UBE2W: variants seen among roughly 807,000 people sequenced by gnomAD.
The protein encoded by UBE2W is ubiquitin conjugating enzyme E2 W, also known as ubiquitin-conjugating enzyme E2 W.
UBE2W carries 18 observed loss-of-function variants against 27.2 expected under a neutral mutation model. The ratio of observed to expected loss-of-function variants is 0.66; its 90% CI spans 0.46 to 0.98. The LOEUF (loss-of-function observed/expected upper bound fraction) is 0.98. UBE2W is among the 50% of genes least tolerant of loss of function. The probability of loss-of-function intolerance (pLI) is 0.00; values close to 1 mark genes in which losing one functional copy is unlikely to be tolerated. For synonymous variants in UBE2W, 53 were observed against 57.2 expected (o/e 0.93, Z 0.33); for missense variants, 90 against 180.2 (o/e 0.50, Z 2.87).
At chr8:73,863,823 A>G (rs935842800) in intron 1 of UBE2W, among the ~76,000 whole-genome samples, 2 of 152,058 alleles carry the variant, frequency 1.3e-5, no homozygotes, top group African/African-American at 4.8e-5. Flanking sequence ...CAATTAAATC[A>G]TAACGTGGGG....
chr8:73,819,761 A>G (rs568417356), intron 3 of UBE2W, among the ~76,000 whole-genome samples: 7 of 152,208 alleles, frequency 4.6e-5, no homozygotes, highest in African/African-American at 1.7e-4. Flanking sequence ...CTTTTTCATT[A>G]TAAGGCAGGA....
intron 1 of UBE2W, among the ~76,000 whole-genome samples, chr8:73,848,319 CAG>C (rs1810906510): frequency 6.6e-6 from 1 of 152,082 alleles, no homozygotes; most frequent in Admixed American, 6.6e-5. Context: ...TGAAGTCAGA[CAG>C]AAAAATAAAT....
intron 3 of UBE2W, among the ~76,000 whole-genome samples, chr8:73,812,080 T>G (rs1048653683): frequency 2.9e-4 from 44 of 152,164 alleles, no homozygotes; most frequent in Admixed American, 2.5e-3. Context: ...ATATATTAAC[T>G]AACATATGGG....
At chr8:73,872,595 T>A (rs1424671557) in intron 1 of UBE2W, among the ~76,000 whole-genome samples, 1 of 152,226 alleles carries the variant, frequency 6.6e-6, no homozygotes, top group African/African-American at 2.4e-5. Context: ...AATTACACAG[T>A]AACTGAGTAG....
In UBE2W at chr8:73,786,345, C is replaced by CT; in HGVS notation, c.*7756dup. ...ATATATGTTTCAAAATAGCTAGCAC[C>CT]TAAGTTTCTTTGAGAAAGCTAGGAT... On this transcript the variant is annotated 3_prime_UTR_variant, in exon 6 of 6. Transcript: ENST00000602593. 1 of 985,416 alleles carries CT rather than the reference C, an allele frequency of 1.0e-6. No individual in the cohort carries two copies. Among genetic ancestry groups the CT allele is most frequent in the Non-Finnish European group, 1.2e-6 (1 of 829,928 alleles). The allele number at this position is 985,416 out of a possible 1,614,324, so 61.0% of individuals were successfully genotyped here. A position where few individuals can be genotyped will look rare whatever the true frequency, so the allele number is the denominator to read the frequency against.
chr8:73,863,878 C>A (rs1586541960), intron 1 of UBE2W, among the ~76,000 whole-genome samples: 1 of 147,778 alleles, frequency 6.8e-6, no homozygotes, highest in East Asian at 2.0e-4. Context: ...GATGTGATAT[C>A]AAAGTTGGAA....
intron 1 of UBE2W, among the ~76,000 whole-genome samples, chr8:73,863,457 T>C (rs1243324304): frequency 1.1e-4 from 17 of 148,900 alleles, no homozygotes; most frequent in African/African-American, 2.5e-4. Context: ...AGGGATAGCA[T>C]TGGGAGATAT....
intron 4 of UBE2W, among the ~76,000 whole-genome samples, chr8:73,806,565 G>A (rs1396473427): frequency 6.8e-6 from 1 of 147,982 alleles, no homozygotes; most frequent in Non-Finnish European, 1.5e-5. Context: ...AAAAAAATTA[G>A]CCGGGCGTGT....
chr8:73,838,274 T>C (rs1048907983), intron 1 of UBE2W, among the ~76,000 whole-genome samples: 2 of 152,178 alleles, frequency 1.3e-5, no homozygotes, highest in Admixed American at 6.5e-5. Flanking sequence ...ACTAATTTAT[T>C]CCTTTTTTTC....
At position 73,856,280 on chromosome 8, in the gene UBE2W, G is replaced by A. The variant is rs115368805; in HGVS notation, c.15+22528C>T. ...TTAACATTGTAGGAAACGCTACTCA[G>A]TGTAAACAACTCCCCCCTCCCCACT... On this transcript the variant is annotated intron_variant, in intron 1 of 5. Coordinates refer to ENST00000602593, the MANE Select transcript of UBE2W (RefSeq NM_018299.6). Among the ~76,000 whole-genome samples, 521 of 150,858 alleles carry A rather than the reference G, an allele frequency of 3.5e-3. 5 individuals carry two copies. The highest frequency in any genetic ancestry group is 0.012 in the African/African-American group (495 of 41,116).
intron 2 of UBE2W, among the ~76,000 whole-genome samples, chr8:73,829,859 G>A (rs1810001669): frequency 2.6e-5 from 4 of 151,894 alleles, no homozygotes; most frequent in Non-Finnish European, 5.9e-5. Flanking sequence ...TTTAAGTGGA[G>A]GATAAATTAT....
Position 73,859,007 on chromosome 8 carries a change from T to C in UBE2W, c.15+19801A>G, listed in dbSNP as rs1464511433. ...GTGTGTGTGTGTGTGTGTGTGTGTG[T>C]GTGTGTGTGTGGTGGTTTTTTTGCT... On this transcript the variant is annotated intron_variant, in intron 1 of 5. Transcript: ENST00000602593. Among the ~76,000 whole-genome samples, 3 of 148,378 alleles carry C rather than the reference T, an allele frequency of 2.0e-5. No homozygotes were observed. The East Asian group carries it at 5.9e-4, about 29-fold the overall frequency.
intron 1 of UBE2W, among the ~76,000 whole-genome samples, chr8:73,876,985 C>T (rs1367130980): frequency 6.6e-6 from 1 of 152,026 alleles, no homozygotes; most frequent in Non-Finnish European, 1.5e-5. Flanking sequence ...AAAAAAGACA[C>T]CATGTAAAGT....
At chr8:73,811,293 C>T (rs1431582473) in intron 3 of UBE2W, among the ~76,000 whole-genome samples, 1 of 152,126 alleles carries the variant, frequency 6.6e-6, no homozygotes, top group Non-Finnish European at 1.5e-5. Flanking sequence ...CACTGTTTTT[C>T]CTTTCTCTAT....
At chr8:73,815,485 A>G (rs1199498753) in intron 3 of UBE2W, among the ~76,000 whole-genome samples, 3 of 152,244 alleles carry the variant, frequency 2.0e-5, no homozygotes, top group Non-Finnish European at 2.9e-5. Flanking sequence ...CAATAATTGA[A>G]AGTAGACTTG....
chr8:73,798,232 G>A lies in UBE2W; in HGVS notation c.443-4117C>T, dbSNP rs144811685. ...GGATCACCTGAGCCCGGGAAGTTGA[G>A]GCTGCAATGAGCCATGATCATACCA... On this transcript the variant is annotated intron_variant, in intron 5 of 5. Coordinates refer to ENST00000602593, the MANE Select transcript of UBE2W (RefSeq NM_018299.6). Among the ~76,000 whole-genome samples, 38 of 152,274 alleles carry A rather than the reference G, an allele frequency of 2.5e-4. No individual in the cohort carries two copies. In the East Asian group the frequency reaches 7.3e-3, roughly 29 times the overall value.
chr8:73,804,203 C>T (rs997701325), intron 5 of UBE2W, among the ~76,000 whole-genome samples: 3 of 151,312 alleles, frequency 2.0e-5, no homozygotes, highest in African/African-American at 7.3e-5. Context: ...AGGCTTCACA[C>T]TGGATAGAAG....
intron 4 of UBE2W, among the ~76,000 whole-genome samples, chr8:73,781,073 C>T (rs1460584173): frequency 2.0e-5 from 3 of 151,420 alleles, no homozygotes; most frequent in African/African-American, 7.3e-5. Context: ...AGTTCAAGAC[C>T]AGCCTGGCCA....
chr8:73,783,758 T>C (rs1807885546), downstream of UBE2W, among the ~76,000 whole-genome samples: 1 of 152,154 alleles, frequency 6.6e-6, no homozygotes, highest in South Asian at 2.1e-4. Context: ...AAGTCAAAAC[T>C]TTATAACATG....
Sources: allele counts gnomAD v4.1 joint callset (sites outside exome capture counted in the v4.1 genomes callset), GRCh38; gene constraint gnomAD v4.1.1; transcripts MANE v1.5; gene names NCBI Gene and HGNC (gene_info 2026-07-23, HGNC 2026-07-21).